Variants in FOXO3 observed in about 807,000 individuals in gnomAD.
FOXO3 encodes forkhead box O3.
A neutral mutation model predicts 41.9 loss-of-function variants in FOXO3; 4 were observed. The observed-to-expected ratio is 0.10, with a 90% CI of 0.05 to 0.22. The LOEUF (loss-of-function observed/expected upper bound fraction) is 0.22. Among genes scored for constraint, FOXO3 ranks in the 10% least tolerant of loss-of-function variants. The pLI, the probability that FOXO3 is intolerant of heterozygous loss-of-function variation, is 1.00. For missense variants in FOXO3, 534 were observed against 906.8 expected (o/e 0.59, Z 5.28); for synonymous variants, 318 against 389.3 (o/e 0.82, Z 2.16).
chr6:108,566,437 A>G lies in FOXO3; in HGVS notation c.621+4608A>G, dbSNP rs530856761. On this transcript the variant is annotated intron_variant, in intron 1 of 2. Coordinates refer to ENST00000406360, the MANE Select transcript of FOXO3 (RefSeq NM_001455.4). Reference sequence around the variant, plus strand: ...ATTAATGAAGAGGCCTTGTCTCACTAATAAGTCATTTAATTTGGTCTGGCA... The same window carrying G: ...ATTAATGAAGAGGCCTTGTCTCACTGATAAGTCATTTAATTTGGTCTGGCA... 3.3e-5 allele frequency among the ~76,000 whole-genome samples: 5 copies of G among 152,306 alleles called. No individual in the cohort carries two copies. In the East Asian group the frequency reaches 9.6e-4, roughly 29 times the overall value.
chr6:108,667,112 C>G (rs767572335), intron 2 of FOXO3, among the ~76,000 whole-genome samples: 5 of 152,176 alleles, frequency 3.3e-5, no homozygotes, highest in Admixed American at 6.5e-5. Context: ...TCAACTTTCT[C>G]AGGCCTAAGA....
rs183880810 is a variant in FOXO3 at position 108,654,610 on chromosome 6, G to C, written c.622-8845G>C. 3.7e-4 allele frequency among the ~76,000 whole-genome samples: 57 copies of C among 152,140 alleles called. 1 individual carries two copies. The East Asian group carries it at 5.2e-3, about 14-fold the overall frequency. The stretch of plus-strand genomic sequence containing the variant: ...TTGCTTGCTGCTTGAAAACTTAAAT[G>C]TTAGTTTCCAAAGGCCATCTCTGTG... On this transcript the variant is annotated intron_variant, in intron 1 of 2. Coordinates refer to ENST00000406360, the MANE Select transcript of FOXO3 (RefSeq NM_001455.4).
chr6:108,659,156 A>G (rs1179197538), intron 1 of FOXO3, among the ~76,000 whole-genome samples: 1 of 152,146 alleles, frequency 6.6e-6, no homozygotes, highest in Non-Finnish European at 1.5e-5. Context: ...AAGTACTGGA[A>G]TTATAGGCGT....
At chr6:108,665,024 TC>T in intron 2 of FOXO3, 135 bp downstream of exon 2, 1 of 975,816 alleles carries the variant, frequency 1.0e-6, no homozygotes, top group Non-Finnish European at 1.5e-6. Context: ...ATAATATGGC[TC>T]CCAGCCAGTT....
chr6:108,562,439 A>AC (rs971429726), intron 1 of FOXO3, among the ~76,000 whole-genome samples: 5 of 150,372 alleles, frequency 3.3e-5, no homozygotes, highest in African/African-American at 9.8e-5. Context: ...CTATATTGAT[A>AC]CCTTTTCTTC....
chr6:108,593,229 T>C (rs1582756191), intron 1 of FOXO3, among the ~76,000 whole-genome samples: 1 of 152,216 alleles, frequency 6.6e-6, no homozygotes, highest in African/African-American at 2.4e-5. Context: ...GATTGTGAAA[T>C]AGGGTGTGCA....
intron 2 of FOXO3, among the ~76,000 whole-genome samples, chr6:108,666,127 C>G (rs1263934368): frequency 6.6e-6 from 1 of 152,110 alleles, no homozygotes; most frequent in Non-Finnish European, 1.5e-5. Context: ...TGAGTCTCAA[C>G]TTCCAGTTTT....
chr6:108,608,827 T>C, intron 1 of FOXO3, among the ~76,000 whole-genome samples: 1 of 152,210 alleles, frequency 6.6e-6, no homozygotes, highest in East Asian at 1.9e-4. Flanking sequence ...AGGGGAAAGC[T>C]TAACTTTATT....
chr6:108,567,064 G>C (rs1024748631), intron 1 of FOXO3, among the ~76,000 whole-genome samples: 42 of 152,246 alleles, frequency 2.8e-4, no homozygotes, highest in Non-Finnish European at 8.8e-5. Context: ...TTCATATTCT[G>C]ATGGAGGAGA....
At chr6:108,581,388 T>C (rs1776416451) in intron 1 of FOXO3, among the ~76,000 whole-genome samples, 1 of 152,162 alleles carries the variant, frequency 6.6e-6, no homozygotes, top group Non-Finnish European at 1.5e-5. Flanking sequence ...GTTGTAGTTG[T>C]GTGATTGTGA....
chr6:108,571,073 C>T (rs1048340403), intron 1 of FOXO3, among the ~76,000 whole-genome samples: 6 of 152,198 alleles, frequency 3.9e-5, no homozygotes, highest in African/African-American at 1.4e-4. Flanking sequence ...AGTCACGTGT[C>T]TGGATCAGTG....
intron 1 of FOXO3, among the ~76,000 whole-genome samples, chr6:108,586,936 A>ATTAT (rs1776595025): frequency 3.7e-5 from 5 of 133,626 alleles, no homozygotes; most frequent in African/African-American, 1.4e-4. Flanking sequence ...CTGAACGTAA[A>ATTAT]TATTATTATT....
In FOXO3 at chr6:108,561,838, C is replaced by T. The variant is rs777177330; in HGVS notation, c.621+9C>T. The T allele has an allele frequency of 2.6e-6, 4 of 1,534,636 alleles. No homozygotes were observed. The highest frequency in any genetic ancestry group is 2.0e-5 in the Admixed American group (1 of 49,494). ...GCTCTGCCGGCTGGAAGGTGCGTAC[C>T]CACCCCGGGCTGGCAGCAGGACCCG... On this transcript the variant is annotated intron_variant, in intron 1 of 2. Transcript: ENST00000406360.
intron 1 of FOXO3, among the ~76,000 whole-genome samples, chr6:108,600,867 A>G (rs1216929993): frequency 2.0e-5 from 3 of 152,198 alleles, no homozygotes; most frequent in Non-Finnish European, 2.9e-5. Flanking sequence ...GTTGTGGGAA[A>G]TAATGCAGAG....
chr6:108,606,871 A>G (rs1325219498), intron 1 of FOXO3, among the ~76,000 whole-genome samples: 1 of 152,020 alleles, frequency 6.6e-6, no homozygotes, highest in African/African-American at 2.4e-5. Flanking sequence ...GGGGGTGAGG[A>G]TGGGGGTCCC....
At chr6:108,657,704 A>G (rs887959145) in intron 1 of FOXO3, among the ~76,000 whole-genome samples, 1 of 152,230 alleles carries the variant, frequency 6.6e-6, no homozygotes, top group African/African-American at 2.4e-5. Flanking sequence ...AATATTTGTA[A>G]TGATAGTTTT....
rs542453458 is a variant in FOXO3, at chr6:108,624,500, G to A, written c.622-38955G>A. Among the ~76,000 whole-genome samples the A allele has an allele frequency of 5.3e-5, 8 of 152,238 alleles. No individual in the cohort carries two copies. The South Asian group carries it at 1.7e-3, about 32-fold the overall frequency. On this transcript the variant is annotated intron_variant, in intron 1 of 2. Transcript: ENST00000406360. The stretch of plus-strand genomic sequence containing the variant: ...AAGAAGAAAGCTATGGGCCCAGCTG[G>A]AATGGGTGCAGTTTTTAGAAAAGAT...
intron 1 of FOXO3, among the ~76,000 whole-genome samples, chr6:108,583,598 A>G (rs982814401): frequency 1.3e-5 from 2 of 152,200 alleles, no homozygotes; most frequent in African/African-American, 4.8e-5. Context: ...ACACTTGGAT[A>G]TCTTTTATTG....
At chr6:108,621,876 T>C (rs1291033573) in intron 1 of FOXO3, among the ~76,000 whole-genome samples, 3 of 152,118 alleles carry the variant, frequency 2.0e-5, no homozygotes, top group African/African-American at 4.8e-5. Flanking sequence ...CGTGCAGACA[T>C]GTTCATGTGA....
Sources: gnomAD v4.1 joint callset for allele counts (sites outside exome capture counted in the v4.1 genomes callset) on GRCh38, gnomAD v4.1.1 for gene constraint, MANE v1.5 for transcripts, NCBI Gene and HGNC (gene_info 2026-07-23, HGNC 2026-07-21) for gene names.